Variants in THADA observed in about 807,000 individuals in gnomAD.
THADA encodes the protein THADA armadillo repeat containing, also known as tRNA (32-2'-O)-methyltransferase regulator THADA.
A neutral mutation model predicts 219.8 loss-of-function variants in THADA; 213 were observed. The ratio of observed to expected loss-of-function variants is 0.97; its 90% confidence interval spans 0.87 to 1.09. The LOEUF (loss-of-function observed/expected upper bound fraction) is 1.09, where lower values mean the gene tolerates loss of function less well. Ranked by LOEUF, THADA falls within the 50% of genes least tolerant of loss-of-function variation. The pLI is 0.00. For synonymous variants in THADA, 1,018 were observed against 828.9 expected (o/e 1.23, Z -3.92); for missense variants, 2,956 against 2,311.3 (o/e 1.28, Z -5.72).
intron 20 of THADA, among the ~76,000 whole-genome samples, chr2:43,542,955 G>A (rs1280271270): frequency 1.3e-5 from 2 of 151,482 alleles, no homozygotes; most frequent in Non-Finnish European, 2.9e-5. Context: ...CCATGCTGGT[G>A]TGCTGCACCC....
chr2:43,474,464 C>T (rs746768509), intron 26 of THADA, among the ~76,000 whole-genome samples: 1 of 152,178 alleles, frequency 6.6e-6, no homozygotes, highest in Non-Finnish European at 1.5e-5. Flanking sequence ...TATCTCTCCT[C>T]CTCCACTCTT....
At chr2:43,547,704 C>G (rs889158964) in intron 20 of THADA, among the ~76,000 whole-genome samples, 1 of 152,190 alleles carries the variant, frequency 6.6e-6, no homozygotes, top group Admixed American at 6.5e-5. Flanking sequence ...CGAGCCTTGG[C>G]TTTCAGCTCC....
chr2:43,561,880 G>A (rs986065628), intron 15 of THADA, among the ~76,000 whole-genome samples: 2 of 152,174 alleles, frequency 1.3e-5, no homozygotes, highest in Non-Finnish European at 1.5e-5. Flanking sequence ...GTTACCTGTG[G>A]TTGTGTTACA....
chr2:43,281,397 C>T (rs1038111380), intron 35 of THADA, among the ~76,000 whole-genome samples: 4 of 151,176 alleles, frequency 2.6e-5, no homozygotes, highest in African/African-American at 9.7e-5. Flanking sequence ...TTTTCTTTTT[C>T]CTTAAATGAC....
At chr2:43,451,923 G>A (rs946804416) in intron 26 of THADA, among the ~76,000 whole-genome samples, 14 of 152,048 alleles carry the variant, frequency 9.2e-5, no homozygotes, top group Non-Finnish European at 1.8e-4. Flanking sequence ...CCTGGCCAAC[G>A]TGGTGAAACC....
At chr2:43,340,399 A>C (rs974319501) in intron 30 of THADA, among the ~76,000 whole-genome samples, 1 of 152,260 alleles carries the variant, frequency 6.6e-6, no homozygotes, top group Non-Finnish European at 1.5e-5. Flanking sequence ...AATATAGGAC[A>C]AAAGTCTTCA....
Position 43,541,451 on chromosome 2 carries a change from A to T in THADA, c.3107-135T>A. ...GATTTGTCATGTTATATTTACTCAGAAGGAAAGAAGCTAACATTTGTCGAG... is the reference window on the plus strand; with the variant it reads ...GATTTGTCATGTTATATTTACTCAGTAGGAAAGAAGCTAACATTTGTCGAG... On this transcript the variant is annotated intron_variant, in intron 20 of 37. Coordinates refer to ENST00000405975, the MANE Select transcript of THADA (RefSeq NM_022065.5). 3 of 998,978 alleles carry T rather than the reference A, an allele frequency of 3.0e-6. No homozygotes were observed. In the South Asian group the frequency reaches 4.6e-5, roughly 15 times the overall value. The allele number at this position is 998,978 out of a possible 1,614,324, so 61.9% of individuals were successfully genotyped here.
intron 21 of THADA, among the ~76,000 whole-genome samples, chr2:43,535,387 A>G (rs932195546): frequency 1.2e-4 from 18 of 151,538 alleles, no homozygotes; most frequent in Non-Finnish European, 2.1e-4. Context: ...TATTTATAAA[A>G]ATGTTTTCCC....
At chr2:43,322,780 G>C (rs1448234919) in intron 30 of THADA, among the ~76,000 whole-genome samples, 2 of 142,430 alleles carry the variant, frequency 1.4e-5, no homozygotes, top group East Asian at 4.3e-4. Context: ...CCACCTGCCG[G>C]GTTCATGCCA....
chr2:43,237,382 T>G (rs1315246451), intron 36 of THADA, among the ~76,000 whole-genome samples: 8 of 144,422 alleles, frequency 5.5e-5, no homozygotes, highest in Non-Finnish European at 3.0e-5. Context: ...GAGCAAAAAC[T>G]AGAAAACTCA....
intron 16 of THADA, 27 bp from the exon 17 acceptor site, chr2:43,556,582 T>C: frequency 6.9e-6 from 11 of 1,589,656 alleles, no homozygotes; most frequent in Non-Finnish European, 9.4e-6. Context: ...ACTCAGTAAC[T>C]GTCAAATTAA....
chr2:43,421,454 G>A (rs1462966461), intron 28 of THADA, among the ~76,000 whole-genome samples: 1 of 152,152 alleles, frequency 6.6e-6, no homozygotes, highest in Non-Finnish European at 1.5e-5. Flanking sequence ...AACAGTACTG[G>A]CAAAGCCCTA....
At chr2:43,558,689 G>A (rs1404835264) in intron 16 of THADA, among the ~76,000 whole-genome samples, 1 of 152,148 alleles carries the variant, frequency 6.6e-6, no homozygotes, top group Admixed American at 6.5e-5. Context: ...AGCTTGCAGA[G>A]GGCTATTGTG....
At chr2:43,397,387 T>A (rs1362587730) in intron 29 of THADA, among the ~76,000 whole-genome samples, 2 of 152,206 alleles carry the variant, frequency 1.3e-5, no homozygotes, top group Admixed American at 6.5e-5. Flanking sequence ...GTAAAAAGTC[T>A]CTTTCTCATT....
At chr2:43,375,495 A>C (rs1671273000) in intron 29 of THADA, among the ~76,000 whole-genome samples, 1 of 152,220 alleles carries the variant, frequency 6.6e-6, no homozygotes, top group South Asian at 2.1e-4. Context: ...TCTGATTTAT[A>C]CTTCATCATT....
chr2:43,498,775 T>C, intron 25 of THADA, 58 bp downstream of exon 25: 2 of 1,540,732 alleles, frequency 1.3e-6, no homozygotes, highest in Non-Finnish European at 1.7e-6. Flanking sequence ...GATTAGTTTA[T>C]TAAAACCTAC....
chr2:43,556,844 C>T (rs1012708384), intron 16 of THADA, among the ~76,000 whole-genome samples: 6 of 152,130 alleles, frequency 3.9e-5, no homozygotes, highest in Non-Finnish European at 7.3e-5. Flanking sequence ...ATGGGAGGAT[C>T]ACTTGAGGTT....
chr2:43,286,816 G>T (rs1252012752), intron 35 of THADA, 92 bp downstream of exon 35: 2 of 1,439,448 alleles, frequency 1.4e-6, no homozygotes, highest in Admixed American at 3.7e-5. Context: ...GTGTCATGTT[G>T]CCATCTTTCA....
chr2:43,367,107 C>T (rs1394866204), intron 29 of THADA, among the ~76,000 whole-genome samples: 2 of 152,108 alleles, frequency 1.3e-5, no homozygotes, highest in East Asian at 3.8e-4. Flanking sequence ...TATGATTTCC[C>T]TTATATGAGG....
Sources: allele counts gnomAD v4.1 joint callset (sites outside exome capture counted in the v4.1 genomes callset), GRCh38; gene constraint gnomAD v4.1.1; transcripts MANE v1.5; gene names NCBI Gene and HGNC (gene_info 2026-07-23, HGNC 2026-07-21).